Variants in TBC1D8 observed in about 807,000 individuals in gnomAD.
TBC1D8 encodes the protein TBC1 domain family member 8, also known as BUB2-like protein 1.
Under a neutral mutation model 118.8 loss-of-function variants are expected in TBC1D8, and 65 were observed. The ratio of observed to expected loss-of-function variants is 0.55; its 90% CI spans 0.45 to 0.67. The LOEUF (loss-of-function observed/expected upper bound fraction) is 0.67, where lower values mean the gene tolerates loss of function less well. TBC1D8 is among the 30% of genes least tolerant of loss of function. The pLI, the probability that TBC1D8 is intolerant of heterozygous loss-of-function variation, is 0.00. For synonymous variants in TBC1D8, 566 were observed against 595.8 expected, an observed-to-expected ratio of 0.95 and a Z score of 0.73; for missense variants, 1,376 against 1,471.2, an observed-to-expected ratio of 0.94 and a Z score of 1.06.
rs535997642 is a variant in TBC1D8, at chr2:101,048,365, T to C, written c.872+2036A>G. ...TAAGATGGAGGCTGAGAGACCATCATGGGGAGCCTGGGGCTGAGAGGTGCA... is the reference window on the plus strand; with the variant it reads ...TAAGATGGAGGCTGAGAGACCATCACGGGGAGCCTGGGGCTGAGAGGTGCA... On this transcript the variant is annotated intron_variant, in intron 5 of 19. Coordinates refer to ENST00000409318, the MANE Select transcript of TBC1D8 (RefSeq NM_001330348.2). 1.1e-4 allele frequency among the ~76,000 whole-genome samples: 17 copies of C among 152,250 alleles called. No homozygotes were observed. In the South Asian group the frequency reaches 3.3e-3, roughly 30 times the overall value.
rs1337274902 is a variant in TBC1D8 at position 101,050,591 on chromosome 2, T to C, written c.682A>G (p.Asn228Asp). 3 of 1,613,972 alleles carry C rather than the reference T, an allele frequency of 1.9e-6. No homozygotes were observed. Among genetic ancestry groups the C allele is most frequent in the African/African-American group, 2.7e-5 (2 of 75,052 alleles). The change falls in exon 5 of 20, where the codon AAT (asparagine) becomes GAT (aspartate). Residue 228 changes from asparagine (N) to aspartate (D), a missense_variant. Asn to Asp is a conservative substitution (Grantham distance 23). Coordinates refer to ENST00000409318, the MANE Select transcript of TBC1D8 (RefSeq NM_001330348.2). ...VDIQKLERTS[N>D]VFLTDTIRIT... ...CGGATGGTATCCGTCAGAAAGACATTGGACGTTCTTTCTAATTTCTGGATA... is the reference window on the plus strand; with the variant it reads ...CGGATGGTATCCGTCAGAAAGACATCGGACGTTCTTTCTAATTTCTGGATA...
chr2:101,019,252 A>G, intron 17 of TBC1D8: 1 of 453,962 alleles, frequency 2.2e-6, no homozygotes, highest in Non-Finnish European at 3.9e-6. Context: ...ATAAGACTTA[A>G]GTGAAGAGAA....
chr2:101,105,821 T>TA (rs1412339991), intron 1 of TBC1D8, among the ~76,000 whole-genome samples: 1 of 152,064 alleles, frequency 6.6e-6, no homozygotes, highest in Non-Finnish European at 1.5e-5. Flanking sequence ...TGTACAAAAC[T>TA]AAACACAGCC....
chr2:101,044,086 C>T (rs1225941032), intron 5 of TBC1D8, among the ~76,000 whole-genome samples: 1 of 152,246 alleles, frequency 6.6e-6, no homozygotes, highest in Non-Finnish European at 1.5e-5. Flanking sequence ...TGCACACAGT[C>T]TCCATTCCCC....
intron 1 of TBC1D8, among the ~76,000 whole-genome samples, chr2:101,137,836 T>C (rs56066858): frequency 0.16 from 23,950 of 152,186 alleles, 1,951 homozygotes; most frequent in African/African-American, 0.2. Flanking sequence ...GAACTCTTTT[T>C]GCCAGGTGAA....
At chr2:101,078,099 G>A (rs1674964844) in intron 2 of TBC1D8, among the ~76,000 whole-genome samples, 1 of 151,994 alleles carries the variant, frequency 6.6e-6, no homozygotes, top group Non-Finnish European at 1.5e-5. Context: ...CCCAACCAAC[G>A]AGCAGCTTCC....
intron 2 of TBC1D8, among the ~76,000 whole-genome samples, chr2:101,063,987 G>A (rs2105428838): frequency 6.6e-6 from 1 of 152,256 alleles, no homozygotes; most frequent in African/African-American, 2.4e-5. Context: ...GACGCAGGAT[G>A]ATAAAAAGCC....
chr2:101,056,080 T>A (rs1478313870), intron 3 of TBC1D8, among the ~76,000 whole-genome samples: 1 of 151,506 alleles, frequency 6.6e-6, no homozygotes, highest in Non-Finnish European at 1.5e-5. Flanking sequence ...TGAAAAGCTA[T>A]GTCCCTCAAG....
chr2:101,111,483 A>G (rs1453501403), intron 1 of TBC1D8, among the ~76,000 whole-genome samples: 1 of 152,202 alleles, frequency 6.6e-6, no homozygotes, highest in Non-Finnish European at 1.5e-5. Flanking sequence ...GCAGGTCCGG[A>G]GGAGCATTTC....
chr2:101,038,328 G>T, intron 7 of TBC1D8, 133 bp downstream of exon 7: 1 of 1,083,034 alleles, frequency 9.2e-7, no homozygotes, highest in Non-Finnish European at 1.3e-6. Context: ...CGGCACATCA[G>T]AAATGACAGC....
At chr2:101,079,894 G>A (rs1675147893) in intron 2 of TBC1D8, among the ~76,000 whole-genome samples, 1 of 151,872 alleles carries the variant, frequency 6.6e-6, no homozygotes, top group Non-Finnish European at 1.5e-5. Flanking sequence ...CACTGTGTTA[G>A]CTAGGACGGT....
At chr2:101,059,625 G>T in intron 2 of TBC1D8, 86 bp from the exon 3 acceptor site, 2 of 1,156,806 alleles carry the variant, frequency 1.7e-6, no homozygotes, top group African/African-American at 1.5e-5. Flanking sequence ...CAAATATTGT[G>T]TATCCCCATG....
chr2:101,038,615 G>A lies in TBC1D8; in HGVS notation c.1121C>T (p.Pro374Leu), dbSNP rs1466710027. Residue 374 changes from proline (P) to leucine (L), a missense_variant, in exon 7 of 20, where the codon CCG becomes CTG. By Grantham distance (98) the Pro-to-Leu change is moderately conservative (BLOSUM62 -3). Coordinates refer to ENST00000409318, the MANE Select transcript of TBC1D8 (RefSeq NM_001330348.2). Reference sequence around the variant, plus strand: ...TCTGATACTGACAATGATGGGATGCGGCAGCAGGCTCGTGTCCTCCATCTT... The same window carrying A: ...TCTGATACTGACAATGATGGGATGCAGCAGCAGGCTCGTGTCCTCCATCTT... ...IEKMEDTSLL[P>L]HPIIVSIRSK... The A allele has an allele frequency of 3.1e-6, 5 of 1,613,974 alleles. No individual in the cohort carries two copies. The highest frequency in any genetic ancestry group is 2.2e-5 in the East Asian group (1 of 44,882).
intron 1 of TBC1D8, among the ~76,000 whole-genome samples, chr2:101,093,170 T>C (rs542038507): frequency 5.8e-4 from 88 of 152,310 alleles, no homozygotes; most frequent in Non-Finnish European, 1.0e-3. Flanking sequence ...ATAATACACA[T>C]AGCACACAAA....
intron 19 of TBC1D8, 28 bp from the exon 20 acceptor site, chr2:101,008,301 A>C (rs761708549): frequency 2.7e-6 from 4 of 1,485,726 alleles, no homozygotes; most frequent in African/African-American, 2.8e-5. Context: ...CTTAGGTAGC[A>C]GCAGAACCAG....
chr2:101,062,955 T>C (rs1347806544), intron 2 of TBC1D8, among the ~76,000 whole-genome samples: 3 of 152,184 alleles, frequency 2.0e-5, no homozygotes, highest in Admixed American at 6.5e-5. Flanking sequence ...AATTTGAATT[T>C]TTAAGTATCA....
chr2:101,099,567 A>C (rs1290994716), intron 1 of TBC1D8, among the ~76,000 whole-genome samples: 1 of 152,182 alleles, frequency 6.6e-6, no homozygotes, highest in Non-Finnish European at 1.5e-5. Flanking sequence ...AAGAAAGAAA[A>C]CTTCAGACCA....
At chr2:101,063,761 CAA>C (rs569065324) in intron 2 of TBC1D8, among the ~76,000 whole-genome samples, 1 of 141,534 alleles carries the variant, frequency 7.1e-6, no homozygotes, top group Non-Finnish European at 1.5e-5. Flanking sequence ...TACCTTTTTT[CAA>C]AAAAAAAAAT....
At chr2:101,136,214 G>A (rs999233470) in intron 1 of TBC1D8, among the ~76,000 whole-genome samples, 4 of 152,036 alleles carry the variant, frequency 2.6e-5, no homozygotes, top group Non-Finnish European at 4.4e-5. Context: ...TTGGGCCATG[G>A]GGGTGGATCC....
Sources: allele counts gnomAD v4.1 joint callset (sites outside exome capture counted in the v4.1 genomes callset), GRCh38; gene constraint gnomAD v4.1.1; transcripts MANE v1.5; gene names NCBI Gene and HGNC (gene_info 2026-07-23, HGNC 2026-07-21).